The following CSNK1G2 variants were observed in gnomAD, a reference collection of about 807,000 sequenced individuals.
CSNK1G2 encodes casein kinase 1 gamma 2, also known as casein kinase I isoform gamma-2.
Under a neutral mutation model 48.0 loss-of-function variants are expected in CSNK1G2, and 11 were observed. That is an observed-to-expected ratio of 0.23 (90% confidence interval 0.14 to 0.38). The LOEUF (loss-of-function observed/expected upper bound fraction) is 0.38. Among genes scored for constraint, CSNK1G2 ranks in the 10% least tolerant of loss-of-function variants. CSNK1G2 has a pLI of 1.00. For missense variants in CSNK1G2, 446 were observed against 595.5 expected (o/e 0.75, Z 2.61); for synonymous variants, 337 against 254.1 (o/e 1.33, Z -3.10).
At chr19:1,948,531 A>G (rs1319710067) in intron 1 of CSNK1G2, among the ~76,000 whole-genome samples, 2 of 121,270 alleles carry the variant, frequency 1.6e-5, no homozygotes, top group East Asian at 4.6e-4. Context: ...CAAAAAAAAA[A>G]AAAAAAAACG....
At position 1,969,919 on chromosome 19, in the gene CSNK1G2, C is replaced by A; in HGVS notation, c.147C>A (p.Gly49=). 1 of 1,311,976 alleles carries A rather than the reference C, an allele frequency of 7.6e-7. No individual in the cohort carries two copies. Among genetic ancestry groups the A allele is most frequent in the Non-Finnish European group, 9.8e-7 (1 of 1,022,104 alleles). The allele number at this position is 1,311,976 out of a possible 1,614,324, so 81.3% of individuals were successfully genotyped here. ...TGGTGGGCCCCAACTTCCGCGTCGG[C>A]AAGAAGATCGGCTGCGGCAACTTCG... ...VLMVGPNFRV[G]KKIGCGNFGE... Residue 49 remains glycine (G), a synonymous_variant, in exon 2 of 12, where the codon GGC becomes GGA. Coordinates refer to ENST00000255641, the MANE Select transcript of CSNK1G2 (RefSeq NM_001319.7).
Position 1,957,590 on chromosome 19 carries a change from C to T in CSNK1G2, c.-265-11918C>T, listed in dbSNP as rs1015127657. Among the ~76,000 whole-genome samples, 6 of 152,232 alleles carry T rather than the reference C, an allele frequency of 3.9e-5. No homozygotes were observed. Among genetic ancestry groups the T allele is most frequent in the African/African-American group, 1.4e-4 (6 of 41,456 alleles). On this transcript the variant is annotated intron_variant, in intron 1 of 11. Transcript: ENST00000255641. This position sits in a 1 kb window ranked among gnomAD's most constrained non-coding sequence, Gnocchi z 5.4. The stretch of plus-strand genomic sequence containing the variant: ...GATGCCTTTGCCCCTGCAGGTCCCC[C>T]ATGTCCCCTCGCCCGGGGCGCGCTC...
chr19:1,946,907 G>A (rs1039378451), intron 1 of CSNK1G2, among the ~76,000 whole-genome samples: 13 of 151,774 alleles, frequency 8.6e-5, no homozygotes, highest in Middle Eastern at 6.8e-3. Context: ...CACTGTGCCC[G>A]GCCTATTCAT....
Position 1,943,717 on chromosome 19 carries a change from C to T in CSNK1G2, c.-266+2299C>T, listed in dbSNP as rs951428399. Among the ~76,000 whole-genome samples, 11 of 152,120 alleles carry T rather than the reference C, an allele frequency of 7.2e-5. No individual in the cohort carries two copies. The East Asian group carries it at 7.7e-4, about 11-fold the overall frequency. On this transcript the variant is annotated intron_variant, in intron 1 of 11. Coordinates refer to ENST00000255641, the MANE Select transcript of CSNK1G2 (RefSeq NM_001319.7). ...AGATGCGTCCGCAGAGCCACTGGGA[C>T]GGACGGAAGCTGAGCTTAGGGACAG...
chr19:1,978,667 C>T lies in CSNK1G2; in HGVS notation c.364C>T (p.Leu122=), dbSNP rs1406838968. The T allele has an allele frequency of 6.2e-7, 1 of 1,606,806 alleles. No homozygotes were observed. The highest frequency in any genetic ancestry group is 1.7e-5 in the Admixed American group (1 of 59,480). The change falls in exon 5 of 12, where the codon CTG becomes TTG. Residue 122 remains leucine, a synonymous_variant. Transcript: ENST00000255641. This position sits in a 1 kb window ranked among gnomAD's most constrained non-coding sequence, Gnocchi z 7.3. ...GTACAACGCCATGGTGCTGGAGCTG[C>T]TGGGGCCCAGCCTGGAGGACCTGTT... ...GKYNAMVLEL[L]GPSLEDLFDL...
chr19:1,969,754 G>T lies in CSNK1G2; in HGVS notation c.-19G>T. 7.8e-7 allele frequency: 1 copy of T among 1,285,790 alleles called. No individual in the cohort carries two copies. Among genetic ancestry groups the T allele is most frequent in the African/African-American group, 1.5e-5 (1 of 66,040 alleles). 79.6% of individuals were successfully genotyped at this position (1,285,790 alleles called of 1,614,324 possible). Reference sequence around the variant, plus strand: ...ACGGCAGCAGAGTCACCGTGGAGAGGCCAGGGTATCACAAACTTATGGATT... The same window carrying T: ...ACGGCAGCAGAGTCACCGTGGAGAGTCCAGGGTATCACAAACTTATGGATT... On this transcript the variant is annotated 5_prime_UTR_variant, in exon 2 of 12. Transcript: ENST00000255641.
chr19:1,955,536 C>CCTGGGCGAGGCTCTGCGGGGTGGGT (rs2014960640), intron 1 of CSNK1G2, among the ~76,000 whole-genome samples: 1 of 149,220 alleles, frequency 6.7e-6, no homozygotes, highest in African/African-American at 2.5e-5. Context: ...GCGGGGTGGG[C>CCTGGGCGAGGCTCTGCGGGGTGGGT]GTGTGCCTGG....
intron 1 of CSNK1G2, among the ~76,000 whole-genome samples, chr19:1,959,583 GT>G (rs1322339657): frequency 0.013 from 1,448 of 113,552 alleles, 89 homozygotes; most frequent in Admixed American, 0.016. Context: ...CCCAGCACCC[GT>G]CCCACCTTTA....
chr19:1,969,937 C>A lies in CSNK1G2; in HGVS notation c.165C>A (p.Gly55=). 4 of 1,310,432 alleles carry A rather than the reference C, an allele frequency of 3.1e-6. No individual in the cohort carries two copies. Among genetic ancestry groups the A allele is most frequent in the Non-Finnish European group, 3.9e-6 (4 of 1,022,080 alleles). The allele number at this position is 1,310,432 out of a possible 1,614,324, so 81.2% of individuals were successfully genotyped here. ...NFRVGKKIGC[G]NFGELRLGKN... ...GCGTCGGCAAGAAGATCGGCTGCGG[C>A]AACTTCGGGGAGCTCCGCCTAGGTG... Residue 55 remains glycine, a synonymous_variant, in exon 2 of 12, where the codon GGC becomes GGA. Coordinates refer to ENST00000255641, the MANE Select transcript of CSNK1G2 (RefSeq NM_001319.7).
In CSNK1G2 at chr19:1,978,657, G is replaced by A. The variant is rs1271423300; in HGVS notation, c.354G>A (p.Val118=). 1.9e-6 allele frequency: 3 copies of A among 1,607,092 alleles called. No individual in the cohort carries two copies. The highest frequency in any genetic ancestry group is 1.7e-6 in the Non-Finnish European group (2 of 1,177,254). ...FGPCGKYNAM[V]LELLGPSLED... ...CGTGCGGGAAGTACAACGCCATGGTGCTGGAGCTGCTGGGGCCCAGCCTGG... is the reference window on the plus strand; with the variant it reads ...CGTGCGGGAAGTACAACGCCATGGTACTGGAGCTGCTGGGGCCCAGCCTGG... The change falls in exon 5 of 12, where the codon GTG becomes GTA. Residue 118 remains valine (V), a synonymous_variant. Transcript: ENST00000255641. This position sits in a 1 kb window ranked among gnomAD's most constrained non-coding sequence, Gnocchi z 7.3.
At chr19:1,946,146 G>A (rs772683559) in intron 1 of CSNK1G2, among the ~76,000 whole-genome samples, 2 of 152,166 alleles carry the variant, frequency 1.3e-5, no homozygotes, top group Non-Finnish European at 1.5e-5. Context: ...GGGGGAGCTA[G>A]CTGCCTCACG....
intron 7 of CSNK1G2, 35 bp from the exon 8 acceptor site, chr19:1,979,284 A>G (rs767521303): frequency 2.5e-6 from 4 of 1,572,766 alleles, no homozygotes; most frequent in East Asian, 4.7e-5. Context: ...GCGGGGACGC[A>G]GGGCGGGAGC....
intron 2 of CSNK1G2, among the ~76,000 whole-genome samples, chr19:1,972,981 G>A (rs1198493932): frequency 6.7e-6 from 1 of 148,612 alleles, no homozygotes; most frequent in Non-Finnish European, 1.5e-5. Flanking sequence ...AGGCTGGAGT[G>A]CAGTGGCGTA....
At chr19:1,960,058 C>T (rs1032317565) in intron 1 of CSNK1G2, among the ~76,000 whole-genome samples, 29 of 152,166 alleles carry the variant, frequency 1.9e-4, no homozygotes, top group Non-Finnish European at 3.5e-4. Context: ...CAGGCAGAAA[C>T]CCCCACCCAC....
intron 1 of CSNK1G2, chr19:1,968,884 C>G (rs1351165772): frequency 2.0e-5 from 3 of 152,928 alleles, no homozygotes; most frequent in Admixed American, 2.0e-4. Context: ...CCAGTGGCTG[C>G]TGGAGAAGAA....
At chr19:1,949,511 G>A (rs796645807) in intron 1 of CSNK1G2, among the ~76,000 whole-genome samples, 2 of 152,248 alleles carry the variant, frequency 1.3e-5, no homozygotes, top group South Asian at 4.1e-4. Context: ...GTGTTCCGGC[G>A]TGTGGGTGGC....
intron 7 of CSNK1G2, 31 bp from the exon 8 acceptor site, chr19:1,979,288 C>CG (rs2015881596): frequency 5.7e-6 from 9 of 1,576,374 alleles, no homozygotes; most frequent in Middle Eastern, 1.7e-4. Context: ...GGACGCAGGG[C>CG]GGGAGCAAGG....
At chr19:1,945,352 A>T (rs892919664) in intron 1 of CSNK1G2, among the ~76,000 whole-genome samples, 2 of 152,070 alleles carry the variant, frequency 1.3e-5, no homozygotes, top group Non-Finnish European at 2.9e-5. Context: ...AGGTGTGGGG[A>T]TCATCTCCCC....
intron 1 of CSNK1G2, among the ~76,000 whole-genome samples, chr19:1,950,294 C>T (rs969688748): frequency 6.6e-6 from 1 of 150,918 alleles, no homozygotes; most frequent in Non-Finnish European, 1.5e-5. Flanking sequence ...CACCCGCCAC[C>T]ACACCCAGCT....
Sources: gnomAD v4.1 joint callset for allele counts (sites outside exome capture counted in the v4.1 genomes callset) on GRCh38, gnomAD v4.1.1 for gene constraint, Gnocchi (gnomAD v3.1) non-coding constraint, MANE v1.5 for transcripts, NCBI Gene and HGNC (gene_info 2026-07-23, HGNC 2026-07-21) for gene names.